Variants in TIGD6 observed in about 807,000 individuals in gnomAD.
The protein encoded by TIGD6 is tigger transposable element-derived protein 6.
A neutral mutation model predicts 2.6 loss-of-function variants in TIGD6; 1 was observed. The observed-to-expected ratio is 0.39, with a 90% CI of 0.14 to 1.85. The LOEUF (loss-of-function observed/expected upper bound fraction) is 1.85. Ranked by LOEUF, TIGD6 falls within the 40% of genes most tolerant of loss-of-function variation. The probability of loss-of-function intolerance (pLI) is 0.32; values close to 1 mark genes in which losing one functional copy is unlikely to be tolerated. For missense variants in TIGD6, 601 were observed against 634.2 expected (o/e 0.95, Z 0.56); for synonymous variants, 193 against 221.9 (o/e 0.87, Z 1.16).
In TIGD6 at chr5:149,995,927, T is replaced by C. The variant is rs752757134; in HGVS notation, c.422A>G (p.Glu141Gly). ...HGIALKAVCR[E>G]DSDRLMNGLG... ...ACCATTCATTAACCTGTCACTATCT[T>C]CTCTACAGACTGCTTTCAAAGCAAT... is the stretch of plus-strand genomic sequence containing the variant. The change falls in exon 2 of 2, where the codon GAA becomes GGA. Residue 141 changes from glutamate (E) to glycine (G), a missense_variant. Physicochemically the swap from Glu to Gly is moderately conservative, Grantham distance 98 (BLOSUM62 -2). Coordinates refer to ENST00000296736, the MANE Select transcript of TIGD6 (RefSeq NM_030953.4). The C allele has an allele frequency of 1.2e-5, 19 of 1,613,840 alleles. No individual in the cohort carries two copies. In the Admixed American group the frequency reaches 3.2e-4, roughly 27 times the overall value.
Position 149,998,682 on chromosome 5 carries a change from G to C in TIGD6, c.-82+1792C>G, listed in dbSNP as rs1181903654. Among the ~76,000 whole-genome samples, 3 of 152,226 alleles carry C rather than the reference G, an allele frequency of 2.0e-5. 1 individual carries two copies. ...GAATCCTTAAAGGACAAGAGAACCT[G>C]CTGTGACTTTATGCTATGACTGTCC... On this transcript the variant is annotated intron_variant, in intron 1 of 1. Coordinates refer to ENST00000296736, the MANE Select transcript of TIGD6 (RefSeq NM_030953.4).
rs767589875 is a variant in TIGD6, at chr5:149,995,258, T to A, written c.1091A>T (p.Lys364Met). ...CCAACATTTCACCACTGTGGATGGC[T>A]TGACTGACCACCACGCTGCAGCAAT... The part of the protein sequence containing the change: ...DMIAAAWWSV[K>M]PSTVVKCWQK... Residue 364 changes from lysine (K) to methionine (M), a missense_variant, in exon 2 of 2, where the codon AAG becomes ATG. Transcript: ENST00000296736. 2.5e-5 allele frequency: 40 copies of A among 1,614,128 alleles called. No homozygotes were observed. Among genetic ancestry groups the A allele is most frequent in the Non-Finnish European group, 3.4e-6 (4 of 1,180,050 alleles).
chr5:149,997,563 CAAAA>C (rs199779335), intron 1 of TIGD6, among the ~76,000 whole-genome samples: 42 of 151,180 alleles, frequency 2.8e-4, no homozygotes, highest in Non-Finnish European at 4.1e-4. Context: ...CAACAAAAAA[CAAAA>C]AAAACACACA....
intron 1 of TIGD6, among the ~76,000 whole-genome samples, chr5:149,998,837 A>G (rs527461259): frequency 6.6e-6 from 1 of 152,348 alleles, no homozygotes; most frequent in African/African-American, 2.4e-5. Context: ...CCCACCTTTG[A>G]GGAGCCTACC....
chr5:149,996,435 A>G lies in TIGD6; in HGVS notation c.-81-6T>C. ...TTTGCCCCAAGTGTGGAAAGCTGAG[A>G]AGACAAAATGGAGTACCTATCAGGA... On this transcript the variant is annotated splice_region_variant and splice_polypyrimidine_tract_variant and intron_variant, in intron 1 of 1. Transcript: ENST00000296736. 1 of 1,502,758 alleles carries G rather than the reference A, an allele frequency of 6.7e-7. No homozygotes were observed. The highest frequency in any genetic ancestry group is 8.9e-7 in the Non-Finnish European group (1 of 1,125,860). The allele number at this position is 1,502,758 out of a possible 1,614,324, so 93.1% of individuals were successfully genotyped here. A position where few individuals can be genotyped will look rare whatever the true frequency, so the allele number is the denominator to read the frequency against.
intron 1 of TIGD6, among the ~76,000 whole-genome samples, chr5:149,998,905 G>C (rs1048140877): frequency 6.6e-6 from 1 of 152,162 alleles, no homozygotes; most frequent in Non-Finnish European, 1.5e-5. Flanking sequence ...GAGTACTACT[G>C]GAACATAAAT....
At chr5:149,998,789 C>G (rs993120092) in intron 1 of TIGD6, among the ~76,000 whole-genome samples, 1 of 152,188 alleles carries the variant, frequency 6.6e-6, no homozygotes, top group Non-Finnish European at 1.5e-5. Context: ...AAGCAGTATG[C>G]TTGATGCCAG....
intron 1 of TIGD6, among the ~76,000 whole-genome samples, chr5:149,998,266 C>G (rs1199320751): frequency 6.6e-6 from 1 of 152,062 alleles, no homozygotes; most frequent in Admixed American, 6.5e-5. Flanking sequence ...GCAAAGAGAC[C>G]AATTAGGTGA....
chr5:149,996,213 T>C lies in TIGD6; in HGVS notation c.136A>G (p.Thr46Ala), dbSNP rs1327448965. The change falls in exon 2 of 2, where the codon ACA becomes GCA. Residue 46 changes from threonine (T) to alanine (A), a missense_variant. By Grantham distance (58) the Thr-to-Ala change is moderately conservative. Coordinates refer to ENST00000296736, the MANE Select transcript of TIGD6 (RefSeq NM_030953.4). ...AATTTGGTGCGATCCTTTAAGAATGTAGATAAAGTAGAGGGAGTGATACCA... is the reference window on the plus strand; with the variant it reads ...AATTTGGTGCGATCCTTTAAGAATGCAGATAAAGTAGAGGGAGTGATACCA... ...EFGITPSTLSTFLKDRTKFEE... is the reference protein window; with the variant it reads ...EFGITPSTLSAFLKDRTKFEE... 9.9e-6 allele frequency: 16 copies of C among 1,614,068 alleles called. No individual in the cohort carries two copies. Among genetic ancestry groups the C allele is most frequent in the East Asian group, 4.5e-5 (2 of 44,894 alleles).
At chr5:149,997,493 G>A (rs532681761) in intron 1 of TIGD6, among the ~76,000 whole-genome samples, 5 of 151,750 alleles carry the variant, frequency 3.3e-5, no homozygotes, top group South Asian at 2.1e-4. Flanking sequence ...AGCTGAGATC[G>A]TACATTTGCG....
chr5:149,995,589 C>T lies in TIGD6; in HGVS notation c.760G>A (p.Ala254Thr). Reference protein sequence around the residue: ...LPCDYRANQWAWMTRDLFNEW... With the variant: ...LPCDYRANQWTWMTRDLFNEW... ...TTAAACAGATCCCTTGTCATCCAAG[C>T]CCACTGGTTGGCTCGGTAATCACAA... The change falls in exon 2 of 2, where the codon GCT becomes ACT. Residue 254 changes from alanine to threonine, a missense_variant. Ala to Thr is a moderately conservative substitution (Grantham distance 58). Coordinates refer to ENST00000296736, the MANE Select transcript of TIGD6 (RefSeq NM_030953.4). 6.2e-7 allele frequency: 1 copy of T among 1,614,228 alleles called. No homozygotes were observed. The highest frequency in any genetic ancestry group is 1.1e-5 in the South Asian group (1 of 91,084).
In TIGD6 at chr5:149,995,016, T is replaced by C. The variant is rs1444523171; in HGVS notation, c.1333A>G (p.Thr445Ala). The C allele has an allele frequency of 1.9e-6, 3 of 1,614,020 alleles. No homozygotes were observed. In the African/African-American group the frequency reaches 4.0e-5, roughly 22 times the overall value. Reference protein sequence around the residue: ...IIQDMVAGENTSEAGSEDEGE... With the variant: ...IIQDMVAGENASEAGSEDEGE... ...TCATCTTCACTTCCTGCTTCACTGGTATTTTCGCCAGCCACCATGTCCTGG... is the reference window on the plus strand; with the variant it reads ...TCATCTTCACTTCCTGCTTCACTGGCATTTTCGCCAGCCACCATGTCCTGG... The change falls in exon 2 of 2, where the codon ACC becomes GCC. Residue 445 changes from threonine (T) to alanine (A), a missense_variant. Physicochemically the swap from Thr to Ala is moderately conservative, Grantham distance 58. Transcript: ENST00000296736.
chr5:149,997,918 G>A (rs140912228), intron 1 of TIGD6, among the ~76,000 whole-genome samples: 3,171 of 151,540 alleles, frequency 0.021, 40 homozygotes, highest in Non-Finnish European at 0.032. Flanking sequence ...CTGAGATCGC[G>A]CCACTGCACT....
intron 1 of TIGD6, among the ~76,000 whole-genome samples, chr5:149,998,148 G>T (rs1755442227): frequency 6.6e-6 from 1 of 151,768 alleles, no homozygotes; most frequent in African/African-American, 2.4e-5. Context: ...AACAAACAAA[G>T]ATGCCATGGT....
intron 1 of TIGD6, among the ~76,000 whole-genome samples, chr5:149,999,323 G>C (rs1369287005): frequency 6.6e-6 from 1 of 152,170 alleles, no homozygotes; most frequent in Admixed American, 6.5e-5. Flanking sequence ...TAAACCAGTA[G>C]GCCATATACA....
chr5:149,997,763 T>C (rs7722439), intron 1 of TIGD6, among the ~76,000 whole-genome samples: 1 of 148,714 alleles, frequency 6.7e-6, no homozygotes, highest in Non-Finnish European at 1.5e-5. Context: ...ATCGAGACCA[T>C]CCTGGCCAAC....
chr5:149,994,797 G>T lies in TIGD6; in HGVS notation c.1552C>A (p.Leu518Ile), dbSNP rs1482512972. The stretch of plus-strand genomic sequence containing the variant: ...AAATTCCTGCATTATTTTGTTTGGA[G>T]GAAATCTGTAATTTTGGAATCAATA... The part of the protein sequence containing the change: ...TLIDSKITDF[L>I]QTK Residue 518 changes from leucine (L) to isoleucine (I), a missense_variant, in exon 2 of 2, where the codon CTC (leucine) becomes ATC (isoleucine). Coordinates refer to ENST00000296736, the MANE Select transcript of TIGD6 (RefSeq NM_030953.4). The T allele has an allele frequency of 6.6e-7, 1 of 1,520,228 alleles. No homozygotes were observed. 94.2% of individuals were successfully genotyped at this position (1,520,228 alleles called of 1,614,324 possible). A position where few individuals can be genotyped will look rare whatever the true frequency, so the allele number is the denominator to read the frequency against.
chr5:149,995,768 G>GC lies in TIGD6; in HGVS notation c.580dup (p.Ala194GlyfsTer3). 6.2e-7 allele frequency: 1 copy of GC among 1,614,194 alleles called. No individual in the cohort carries two copies. The highest frequency in any genetic ancestry group is 8.5e-7 in the Non-Finnish European group (1 of 1,180,038). On this transcript the variant is annotated frameshift_variant, in exon 2 of 2. Transcript: ENST00000296736. LOFTEE classifies it low-confidence loss of function (END_TRUNC). Reference sequence around the variant, plus strand: ...CCCTCTACAGTGGTCTCCTTTAGCAGCAAGTGTGTGCTGGGGAAGCAACTG... The same window carrying GC: ...CCCTCTACAGTGGTCTCCTTTAGCAGCCAAGTGTGTGCTGGGGAAGCAACTG...
intron 1 of TIGD6, among the ~76,000 whole-genome samples, chr5:149,997,698 G>A (rs867194660): frequency 1.6e-4 from 24 of 152,028 alleles, no homozygotes; most frequent in Middle Eastern, 3.4e-3. Flanking sequence ...GGTGGCTTAC[G>A]CCTGTAATCC....
Sources: gnomAD v4.1 joint callset for allele counts (sites outside exome capture counted in the v4.1 genomes callset) on GRCh38, gnomAD v4.1.1 for gene constraint, MANE v1.5 for transcripts, NCBI Gene and HGNC (gene_info 2026-07-23, HGNC 2026-07-21) for gene names.